NPY2R: variants seen among roughly 807,000 people sequenced by gnomAD.
NPY2R encodes neuropeptide Y receptor type 2.
NPY2R carries 17 observed loss-of-function variants against 22.3 expected under a neutral mutation model. The ratio of observed to expected loss-of-function variants is 0.76; its 90% CI spans 0.52 to 1.14. NPY2R has a LOEUF of 1.14. Among genes scored for constraint, NPY2R ranks in the 50% most tolerant of loss-of-function variants. The probability of loss-of-function intolerance (pLI) is 0.00; values close to 1 mark genes in which losing one functional copy is unlikely to be tolerated. For missense variants in NPY2R, 424 were observed against 467.9 expected, an observed-to-expected ratio of 0.91 and a Z score of 0.87; for synonymous variants, 209 against 183.4, an observed-to-expected ratio of 1.14 and a Z score of -1.13.
At chr4:155,205,527 A>G (rs1240785011), upstream of NPY2R, among the ~76,000 whole-genome samples, 1 of 152,160 alleles carries the variant, frequency 6.6e-6, no homozygotes, top group East Asian at 1.9e-4. Context: ...AATTTCATCT[A>G]GCTATCTAAA....
At chr4:155,201,318 C>T in the NPY2R span, among the ~76,000 whole-genome samples, 2 of 152,074 alleles carry the variant, frequency 1.3e-5, no homozygotes, top group South Asian at 4.1e-4. Context: ...CTTTTAGAAG[C>T]TTTTCTCTTT....
the NPY2R span, among the ~76,000 whole-genome samples, chr4:155,180,762 G>A: frequency 6.6e-6 from 1 of 151,672 alleles, no homozygotes; most frequent in Admixed American, 6.6e-5. Context: ...GTTAGTAACT[G>A]TCTATTTGTA....
At chr4:155,193,467 G>A in the NPY2R span, among the ~76,000 whole-genome samples, 13 of 151,978 alleles carry the variant, frequency 8.6e-5, no homozygotes, top group East Asian at 1.9e-4. Flanking sequence ...ATAAGGGCTC[G>A]CCTGAGAAAT....
At chr4:155,196,517 A>G in the NPY2R span, among the ~76,000 whole-genome samples, 2 of 151,968 alleles carry the variant, frequency 1.3e-5, no homozygotes, top group Non-Finnish European at 2.9e-5. Context: ...GGCAGGAGTG[A>G]CTGAAAGTAA....
chr4:155,196,222 T>G, the NPY2R span, among the ~76,000 whole-genome samples: 10 of 151,362 alleles, frequency 6.6e-5, no homozygotes, highest in African/African-American at 2.2e-4. Flanking sequence ...CTTTTTCTGC[T>G]TCTTCTTTTT....
At chr4:155,185,883 G>A in the NPY2R span, among the ~76,000 whole-genome samples, 949 of 133,422 alleles carry the variant, frequency 7.1e-3, 8 homozygotes, top group African/African-American at 0.026. Flanking sequence ...AACTTTTTCA[G>A]GGGTGAGTGA....
At chr4:155,188,498 A>G in the NPY2R span, among the ~76,000 whole-genome samples, 2 of 152,250 alleles carry the variant, frequency 1.3e-5, no homozygotes, top group South Asian at 4.1e-4. Context: ...CATCTTGAGT[A>G]TGGACACCAT....
In NPY2R at chr4:155,216,734, C is replaced by T. The variant is rs1019525007; in HGVS notation, c.*1649C>T. On this transcript the variant is annotated 3_prime_UTR_variant, in exon 2 of 2. Coordinates refer to ENST00000329476, the MANE Select transcript of NPY2R (RefSeq NM_000910.4). ...AGATTAGGTGTAAGACTTTAAGAAG[C>T]GAACAAAAAGTAATGTATATCTGTA... 14 of 167,004 alleles carry T rather than the reference C, an allele frequency of 8.4e-5. No homozygotes were observed. Among genetic ancestry groups the T allele is most frequent in the Middle Eastern group, 3.4e-3 (1 of 296 alleles). 10.3% of individuals were successfully genotyped at this position (167,004 alleles called of 1,614,324 possible).
chr4:155,186,988 TATG>T, the NPY2R span, among the ~76,000 whole-genome samples: 5 of 152,108 alleles, frequency 3.3e-5, no homozygotes, highest in South Asian at 4.1e-4. Flanking sequence ...TTTGGAGAAA[TATG>T]AGATTTATGT....
the NPY2R span, among the ~76,000 whole-genome samples, chr4:155,193,480 G>A: frequency 2.0e-4 from 30 of 151,926 alleles, no homozygotes; most frequent in Non-Finnish European, 8.8e-5. Flanking sequence ...TGAGAAATGG[G>A]ATCCAAGGAG....
the NPY2R span, among the ~76,000 whole-genome samples, chr4:155,182,594 A>T: frequency 6.6e-6 from 1 of 152,136 alleles, no homozygotes; most frequent in Non-Finnish European, 1.5e-5. Context: ...CCACAATAGG[A>T]GAATCACAAT....
the NPY2R span, among the ~76,000 whole-genome samples, chr4:155,188,274 G>T: frequency 0.047 from 7,150 of 152,054 alleles, 528 homozygotes; most frequent in African/African-American, 0.16. Context: ...CCATACAAAA[G>T]AATCACCTGT....
At chr4:155,191,550 G>A in the NPY2R span, among the ~76,000 whole-genome samples, 19 of 151,896 alleles carry the variant, frequency 1.3e-4, no homozygotes, top group South Asian at 2.1e-4. Flanking sequence ...GCCAAAACAC[G>A]TTTCACATTA....
chr4:155,191,985 T>G, the NPY2R span, among the ~76,000 whole-genome samples: 3 of 151,952 alleles, frequency 2.0e-5, no homozygotes, highest in East Asian at 5.8e-4. Flanking sequence ...GTCACCACTT[T>G]ATGCATCATT....
Position 155,215,456 on chromosome 4 carries a change from C to A in NPY2R, c.*371C>A, listed in dbSNP as rs145077448. 29 of 364,106 alleles carry A rather than the reference C, an allele frequency of 8.0e-5. 1 individual carries two copies. In the East Asian group the frequency reaches 2.1e-3, roughly 26 times the overall value. The allele number at this position is 364,106 out of a possible 1,614,324, so 22.6% of individuals were successfully genotyped here. ...AGTTGACTTTCAAATCACGTTAGGA[C>A]CTGGATTGAGGAGGTGTGCAGTTCG... On this transcript the variant is annotated 3_prime_UTR_variant, in exon 2 of 2. Transcript: ENST00000329476.
the NPY2R span, among the ~76,000 whole-genome samples, chr4:155,193,320 G>C: frequency 1.3e-5 from 2 of 151,904 alleles, no homozygotes; most frequent in Non-Finnish European, 2.9e-5. Flanking sequence ...AATGGCTAAT[G>C]GGTGGCATAA....
the NPY2R span, among the ~76,000 whole-genome samples, chr4:155,192,394 G>T: frequency 6.6e-6 from 1 of 151,470 alleles, no homozygotes; most frequent in Non-Finnish European, 1.5e-5. Context: ...TATTAGTGAA[G>T]ACATTGTGAA....
Position 155,214,311 on chromosome 4 carries a change from C to T in NPY2R, c.372C>T (p.His124=), listed in dbSNP as rs922777049. The T allele has an allele frequency of 4.3e-6, 7 of 1,614,064 alleles. No homozygotes were observed. Among genetic ancestry groups the T allele is most frequent in the Admixed American group, 1.7e-5 (1 of 60,004 alleles). Reference sequence around the variant, plus strand: ...GGAAAATGGGTCCTGTCCTGTGCCACCTGGTGCCCTATGCCCAGGGCCTGG... The same window carrying T: ...GGAAAATGGGTCCTGTCCTGTGCCATCTGGTGCCCTATGCCCAGGGCCTGG... The part of the protein sequence containing the change: ...GEWKMGPVLC[H]LVPYAQGLAV... Residue 124 remains histidine, a synonymous_variant, in exon 2 of 2, where the codon CAC becomes CAT. Transcript: ENST00000329476.
At chr4:155,202,482 C>T in the NPY2R span, among the ~76,000 whole-genome samples, 3 of 152,088 alleles carry the variant, frequency 2.0e-5, no homozygotes, top group Non-Finnish European at 4.4e-5. Context: ...CATACAGTCT[C>T]AATAAAGATT....
Sources: allele counts gnomAD v4.1 joint callset (sites outside exome capture counted in the v4.1 genomes callset), GRCh38; gene constraint gnomAD v4.1.1; transcripts MANE v1.5; gene names NCBI Gene and HGNC (gene_info 2026-07-23, HGNC 2026-07-21).